ZNF536: variants seen among roughly 807,000 people sequenced by gnomAD.
ZNF536 encodes the protein zinc finger protein 536.
ZNF536 carries 13 observed loss-of-function variants against 84.5 expected under a neutral mutation model. The ratio of observed to expected loss-of-function variants is 0.15; its 90% CI spans 0.10 to 0.24. The LOEUF is 0.24. ZNF536 is among the 10% of genes least tolerant of loss of function. ZNF536 has a pLI of 1.00. For synonymous variants in ZNF536, 811 were observed against 742.5 expected, an observed-to-expected ratio of 1.09 and a Z score of -1.50; for missense variants, 1,536 against 1,747.5, an observed-to-expected ratio of 0.88 and a Z score of 2.16.
At chr19:30,537,847 G>A (rs1029762781) in intron 3 of ZNF536, among the ~76,000 whole-genome samples, 1 of 152,170 alleles carries the variant, frequency 6.6e-6, no homozygotes. Flanking sequence ...AGAAGCCATG[G>A]AAACATCACA....
At chr19:30,454,718 CTTTT>C (rs2052757820) in intron 2 of ZNF536, among the ~76,000 whole-genome samples, 1 of 152,146 alleles carries the variant, frequency 6.6e-6, no homozygotes, top group African/African-American at 2.4e-5. Context: ...CGGAAATGTC[CTTTT>C]TAGTGACCTT....
chr19:30,610,401 A>G (rs1243271546), intron 1 of ZNF536, among the ~76,000 whole-genome samples: 1 of 152,088 alleles, frequency 6.6e-6, no homozygotes, highest in Non-Finnish European at 1.5e-5. Context: ...GGATTACTTC[A>G]GATCCCCCTT....
chr19:30,334,248 C>T (rs1461764540), intron 2 of ZNF536, among the ~76,000 whole-genome samples: 8 of 152,168 alleles, frequency 5.3e-5, no homozygotes, highest in Non-Finnish European at 8.8e-5. Flanking sequence ...TGGTAATGGC[C>T]TCCAAATTGG....
chr19:30,575,684 G>C (rs923801041), intron 1 of ZNF536, among the ~76,000 whole-genome samples: 1 of 152,222 alleles, frequency 6.6e-6, no homozygotes, highest in Non-Finnish European at 1.5e-5. Flanking sequence ...AGAAGGCTAT[G>C]GAGAGAAATA....
At chr19:30,700,433 G>T (rs898457996) in intron 1 of ZNF536, among the ~76,000 whole-genome samples, 1 of 149,272 alleles carries the variant, frequency 6.7e-6, no homozygotes, top group Non-Finnish European at 1.5e-5. Context: ...TGTTGCCCAG[G>T]CTGCAGTGCA....
In ZNF536 at chr19:30,697,842, G is replaced by A. The variant is rs572661246; in HGVS notation, c.170-12915G>A. ...CCCTCCAGAAGTTTTCGTGTCAACA[G>A]AAGTTAAGTATTACCTGTTTGGTTC... On this transcript the variant is annotated intron_variant, in intron 1 of 1. Transcript: ENST00000592773. Among the ~76,000 whole-genome samples, 300 of 152,344 alleles carry A rather than the reference G, an allele frequency of 2.0e-3. 2 individuals carry two copies. The highest frequency in any genetic ancestry group is 6.9e-3 in the African/African-American group (287 of 41,582).
At chr19:30,259,693 C>A (rs1436656456) in intron 1 of ZNF536, among the ~76,000 whole-genome samples, 4 of 152,194 alleles carry the variant, frequency 2.6e-5, no homozygotes, top group African/African-American at 9.7e-5. Context: ...AGCCTGTAGA[C>A]CCAGTCAGTA....
At chr19:30,314,167 G>A (rs1332041580) in intron 2 of ZNF536, among the ~76,000 whole-genome samples, 1 of 152,228 alleles carries the variant, frequency 6.6e-6, no homozygotes, top group Non-Finnish European at 1.5e-5. Context: ...CTGCTGTGCA[G>A]AGAACATTAG....
intron 1 of ZNF536, among the ~76,000 whole-genome samples, chr19:30,622,495 G>A (rs1441184033): frequency 2.0e-5 from 3 of 152,214 alleles, no homozygotes; most frequent in Admixed American, 1.3e-4. Context: ...TGTGTTGTTC[G>A]AAAACCTAAG....
intron 3 of ZNF536, among the ~76,000 whole-genome samples, chr19:30,541,397 GAAA>G (rs34866942): frequency 7.3e-6 from 1 of 137,320 alleles, no homozygotes; most frequent in African/African-American, 2.7e-5. Context: ...GAGTAATGAT[GAAA>G]AAAAAAAAAA....
intron 1 of ZNF536, among the ~76,000 whole-genome samples, chr19:30,428,030 A>G (rs1315963582): frequency 6.6e-6 from 1 of 152,230 alleles, no homozygotes; most frequent in Non-Finnish European, 1.5e-5. Flanking sequence ...CCCTGCTCAC[A>G]TGCCTTTTGT....
intron 2 of ZNF536, among the ~76,000 whole-genome samples, chr19:30,446,983 G>A (rs563050424): frequency 6.6e-6 from 1 of 152,108 alleles, no homozygotes; most frequent in Non-Finnish European, 1.5e-5. Context: ...AAAGCACCTC[G>A]CTAATACTGT....
chr19:30,321,314 T>C (rs138129937), intron 2 of ZNF536, among the ~76,000 whole-genome samples: 1 of 152,218 alleles, frequency 6.6e-6, no homozygotes, highest in Non-Finnish European at 1.5e-5. Context: ...CCCAGCACTT[T>C]AGGCGGCCGA....
At chr19:30,632,155 C>A (rs1299642182) in intron 1 of ZNF536, among the ~76,000 whole-genome samples, 1 of 152,156 alleles carries the variant, frequency 6.6e-6, no homozygotes, top group East Asian at 1.9e-4. Context: ...GAAGAAGTCT[C>A]TTTGGGTTTG....
At chr19:30,280,849 C>T (rs760765685) in intron 1 of ZNF536, among the ~76,000 whole-genome samples, 20 of 152,176 alleles carry the variant, frequency 1.3e-4, no homozygotes, top group Non-Finnish European at 2.5e-4. Context: ...AGGAGGGTGC[C>T]TCATCCCCTG....
intron 1 of ZNF536, among the ~76,000 whole-genome samples, chr19:30,666,101 G>A (rs897480240): frequency 6.6e-6 from 1 of 152,198 alleles, no homozygotes; most frequent in African/African-American, 2.4e-5. Flanking sequence ...GTTGCTTTAG[G>A]GTTGATCTAG....
intron 1 of ZNF536, among the ~76,000 whole-genome samples, chr19:30,613,914 G>A (rs1439615886): frequency 6.6e-6 from 1 of 152,200 alleles, no homozygotes; most frequent in Non-Finnish European, 1.5e-5. Context: ...CCGGGCTGGA[G>A]CGCAGTGGTA....
chr19:30,415,822 G>A (rs978085523), intron 1 of ZNF536, among the ~76,000 whole-genome samples: 2 of 152,148 alleles, frequency 1.3e-5, no homozygotes, highest in African/African-American at 4.8e-5. Flanking sequence ...GTGTTAGCCA[G>A]GTTGGTCTCG....
At chr19:30,337,070 T>A (rs1256961666) in intron 2 of ZNF536, among the ~76,000 whole-genome samples, 1 of 152,078 alleles carries the variant, frequency 6.6e-6, no homozygotes, top group South Asian at 2.1e-4. Context: ...GGGAGGCCTG[T>A]TCCTTCTTGG....
Sources: gnomAD v4.1 joint callset for allele counts (sites outside exome capture counted in the v4.1 genomes callset) on GRCh38, gnomAD v4.1.1 for gene constraint, MANE v1.5 for transcripts, NCBI Gene and HGNC (gene_info 2026-07-23, HGNC 2026-07-21) for gene names.